CLYBL: variants seen among roughly 807,000 people sequenced by gnomAD.
CLYBL encodes the protein citramalyl-CoA lyase, mitochondrial.
CLYBL carries 31 observed loss-of-function variants against 38.9 expected under a neutral mutation model. That is an observed-to-expected ratio of 0.80 (90% CI 0.60 to 1.08). The LOEUF is 1.08. Among genes scored for constraint, CLYBL ranks in the 50% least tolerant of loss-of-function variants. The pLI is 0.00. For missense variants in CLYBL, 434 were observed against 411.6 expected (o/e 1.05, Z -0.47); for synonymous variants, 171 against 158.6 (o/e 1.08, Z -0.59).
chr13:99,786,878 G>A (rs1466361671), intron 2 of CLYBL, among the ~76,000 whole-genome samples: 1 of 151,924 alleles, frequency 6.6e-6, no homozygotes, highest in Non-Finnish European at 1.5e-5. Context: ...GTTGTTTCCT[G>A]ACTTTTTAAT....
intron 1 of CLYBL, among the ~76,000 whole-genome samples, chr13:99,686,936 AG>A (rs1193131559): frequency 6.6e-6 from 1 of 152,236 alleles, no homozygotes; most frequent in Non-Finnish European, 1.5e-5. Context: ...TAGAAAGCTT[AG>A]TAACCTCGAT....
At chr13:99,854,585 A>G (rs1488661285) in intron 2 of CLYBL, among the ~76,000 whole-genome samples, 2 of 152,010 alleles carry the variant, frequency 1.3e-5, no homozygotes, top group South Asian at 2.1e-4. Flanking sequence ...GCCGCGAGGG[A>G]CCACCTCTTC....
At chr13:99,665,814 A>C (rs934503571) in intron 1 of CLYBL, among the ~76,000 whole-genome samples, 6 of 152,356 alleles carry the variant, frequency 3.9e-5, no homozygotes, top group African/African-American at 1.4e-4. Flanking sequence ...GGACTGATTC[A>C]TGTTAGATAA....
At chr13:99,711,796 AC>A (rs763869698) in intron 1 of CLYBL, among the ~76,000 whole-genome samples, 38 of 150,880 alleles carry the variant, frequency 2.5e-4, no homozygotes, top group Non-Finnish European at 4.1e-4. Flanking sequence ...GCTCACGGCA[AC>A]CTTCACCTCC....
intron 1 of CLYBL, among the ~76,000 whole-genome samples, chr13:99,613,509 G>A (rs547289855): frequency 5.3e-5 from 8 of 152,194 alleles, no homozygotes; most frequent in South Asian, 4.2e-4. Context: ...TGAGGTTACC[G>A]TGACAACCAC....
chr13:99,877,504 A>G (rs2052075405), intron 7 of CLYBL: 2 of 327,196 alleles, frequency 6.1e-6, no homozygotes, highest in African/African-American at 2.3e-5. Context: ...TAATTACATT[A>G]GAGACTTTCA....
intron 2 of CLYBL, among the ~76,000 whole-genome samples, chr13:99,773,605 C>G (rs899039095): frequency 3.3e-5 from 5 of 152,108 alleles, no homozygotes; most frequent in African/African-American, 1.2e-4. Flanking sequence ...GCCCCACCTC[C>G]CATGGAATAA....
chr13:99,782,075 C>CT (rs969229141), intron 2 of CLYBL, among the ~76,000 whole-genome samples: 23 of 151,680 alleles, frequency 1.5e-4, no homozygotes, highest in Middle Eastern at 3.4e-3. Flanking sequence ...TATTTTCCCA[C>CT]TTTTTTTTTG....
intron 1 of CLYBL, among the ~76,000 whole-genome samples, chr13:99,770,311 C>T (rs2049359463): frequency 6.6e-6 from 1 of 150,856 alleles, no homozygotes; most frequent in African/African-American, 2.4e-5. Context: ...TGGTCTCGAA[C>T]TCTTTTTTTG....
intron 7 of CLYBL, among the ~76,000 whole-genome samples, chr13:99,881,394 C>G (rs1209236918): frequency 6.6e-6 from 1 of 152,106 alleles, no homozygotes; most frequent in African/African-American, 2.4e-5. Context: ...TTCTAAGTCT[C>G]CAGTCATATT....
At chr13:99,750,842 G>C (rs2048943312) in intron 1 of CLYBL, among the ~76,000 whole-genome samples, 1 of 151,476 alleles carries the variant, frequency 6.6e-6, no homozygotes, top group Non-Finnish European at 1.5e-5. Flanking sequence ...TTTTTTTCTG[G>C]TTGTAAAACA....
chr13:99,876,017 G>A (rs1018038070), intron 7 of CLYBL, among the ~76,000 whole-genome samples: 8 of 147,974 alleles, frequency 5.4e-5, no homozygotes, highest in African/African-American at 1.7e-4. Context: ...AACATTTAAA[G>A]CAAAGTAATG....
intron 2 of CLYBL, among the ~76,000 whole-genome samples, chr13:99,808,191 T>G (rs562869366): frequency 3.9e-5 from 6 of 152,284 alleles, no homozygotes; most frequent in Admixed American, 6.5e-5. Context: ...GCTCAAGCAA[T>G]TCTCCTGCCT....
intron 1 of CLYBL, among the ~76,000 whole-genome samples, chr13:99,679,153 G>A (rs1234610617): frequency 1.3e-5 from 2 of 151,934 alleles, no homozygotes; most frequent in Admixed American, 6.6e-5. Flanking sequence ...AATTAGCCGG[G>A]TGTGGTGGCG....
intron 1 of CLYBL, among the ~76,000 whole-genome samples, chr13:99,681,124 C>T (rs2047728464): frequency 3.9e-5 from 6 of 152,168 alleles, no homozygotes; most frequent in Admixed American, 3.3e-4. Context: ...AAAGAAGCAT[C>T]ATCGCTGAAT....
intron 1 of CLYBL, among the ~76,000 whole-genome samples, chr13:99,718,803 A>G (rs988868617): frequency 1.3e-5 from 2 of 151,942 alleles, no homozygotes; most frequent in African/African-American, 2.4e-5. Context: ...ATCTTGTTTG[A>G]TATTAATTAA....
intron 2 of CLYBL, among the ~76,000 whole-genome samples, chr13:99,844,217 A>G (rs999405863): frequency 2.0e-5 from 3 of 152,194 alleles, no homozygotes; most frequent in African/African-American, 7.2e-5. Flanking sequence ...TTGGGAGCCC[A>G]AGATGGGAGT....
chr13:99,715,965 G>A lies in CLYBL; in HGVS notation c.63-56859G>A, dbSNP rs990914556. 1.6e-4 allele frequency among the ~76,000 whole-genome samples: 24 copies of A among 152,078 alleles called. 1 individual carries two copies. Among genetic ancestry groups the A allele is most frequent in the Admixed American group, 1.4e-3 (21 of 15,250 alleles). ...TCATTGTGGGTTTTAGAAAGAAAGC[G>A]GAGACAAATACTAATAATAATCTGC... On this transcript the variant is annotated intron_variant, in intron 1 of 8. Transcript: ENST00000339105.
chr13:99,810,167 C>T (rs1924099), intron 2 of CLYBL, among the ~76,000 whole-genome samples: 32,096 of 152,150 alleles, frequency 0.21, 3,946 homozygotes, highest in East Asian at 0.44. Context: ...CTAGAGGTGA[C>T]AGAGGTGGGG....
Sources: allele counts gnomAD v4.1 joint callset (sites outside exome capture counted in the v4.1 genomes callset), GRCh38; gene constraint gnomAD v4.1.1; transcripts MANE v1.5; gene names NCBI Gene and HGNC (gene_info 2026-07-23, HGNC 2026-07-21).